Variants in ETV6 observed in about 807,000 individuals in gnomAD.
ETV6 encodes transcription factor ETV6.
ETV6 carries 16 observed loss-of-function variants against 51.1 expected under a neutral mutation model. The observed-to-expected ratio is 0.31, with a 90% CI of 0.21 to 0.48. The LOEUF (loss-of-function observed/expected upper bound fraction) is 0.48. Ranked by LOEUF, ETV6 falls within the 20% of genes least tolerant of loss-of-function variation. ETV6 has a pLI of 0.99. For missense variants in ETV6, 458 were observed against 594.8 expected (o/e 0.77, Z 2.39); for synonymous variants, 240 against 224.1 (o/e 1.07, Z -0.64).
chr12:11,816,919 A>G (rs1370947238), intron 2 of ETV6, among the ~76,000 whole-genome samples: 3 of 152,220 alleles, frequency 2.0e-5, no homozygotes, highest in African/African-American at 7.2e-5. Context: ...CTCACAGCCC[A>G]GTTAGGATGT....
chr12:11,662,998 T>G (rs1864128277), intron 1 of ETV6, among the ~76,000 whole-genome samples: 1 of 152,210 alleles, frequency 6.6e-6, no homozygotes. Flanking sequence ...TCTTGGGCAG[T>G]TGAGCATGCT....
At chr12:11,799,077 G>T (rs1945713529) in intron 2 of ETV6, among the ~76,000 whole-genome samples, 1 of 152,194 alleles carries the variant, frequency 6.6e-6, no homozygotes, top group South Asian at 2.1e-4. Flanking sequence ...GGAGTGCATT[G>T]TGGGACTTTT....
At position 11,893,079 on chromosome 12, in the gene ETV6, A is replaced by G. The variant is rs966118352; in HGVS notation, c.*2033A>G. ...TGGTGATGAGATTCTGCTGGATCTC[A>G]GCACGCTGCAGGTGTCTTTTGAGAG... On this transcript the variant is annotated 3_prime_UTR_variant, in exon 8 of 8. Transcript: ENST00000396373. 1 of 232,730 alleles carries G rather than the reference A, an allele frequency of 4.3e-6. No individual in the cohort carries two copies. The highest frequency in any genetic ancestry group is 8.5e-6 in the Non-Finnish European group (1 of 117,792). The allele number at this position is 232,730 out of a possible 1,614,324, so 14.4% of individuals were successfully genotyped here.
rs190441466 is a variant in ETV6, at chr12:11,748,735, G to A, written c.34-3715G>A. Reference sequence around the variant, plus strand: ...TACACCTATTTTACAGGGAAGTCACGGGCTCCTAAGCATTCAGTTTAAAAA... The same window carrying A: ...TACACCTATTTTACAGGGAAGTCACAGGCTCCTAAGCATTCAGTTTAAAAA... On this transcript the variant is annotated intron_variant, in intron 1 of 7. Coordinates refer to ENST00000396373, the MANE Select transcript of ETV6 (RefSeq NM_001987.5). Among the ~76,000 whole-genome samples, 295 of 152,202 alleles carry A rather than the reference G, an allele frequency of 1.9e-3. 5 individuals are homozygous for A. The highest frequency in any genetic ancestry group is 6.8e-3 in the African/African-American group (284 of 41,516).
chr12:11,715,607 T>C (rs1166157020), intron 1 of ETV6, among the ~76,000 whole-genome samples: 1 of 152,262 alleles, frequency 6.6e-6, no homozygotes, highest in Non-Finnish European at 1.5e-5. Context: ...TCTGCCCTGC[T>C]GCTTTCCTAA....
At chr12:11,747,314 C>A (rs1387715293) in intron 1 of ETV6, among the ~76,000 whole-genome samples, 3 of 152,288 alleles carry the variant, frequency 2.0e-5, no homozygotes, top group Middle Eastern at 6.8e-3. Flanking sequence ...ATGTTGCTTT[C>A]AGGGCAGGGG....
chr12:11,823,625 C>G (rs1946113494), intron 2 of ETV6, among the ~76,000 whole-genome samples: 1 of 151,992 alleles, frequency 6.6e-6, no homozygotes, highest in Non-Finnish European at 1.5e-5. Flanking sequence ...CATCACTAGG[C>G]CAGGCTAATT....
chr12:11,705,148 G>A (rs555984580), intron 1 of ETV6, among the ~76,000 whole-genome samples: 67 of 152,268 alleles, frequency 4.4e-4, no homozygotes, highest in Non-Finnish European at 8.4e-4. Flanking sequence ...AGGCCTTTTG[G>A]TTCTGTTGCT....
intron 4 of ETV6, among the ~76,000 whole-genome samples, chr12:11,864,262 A>C (rs1468932541): frequency 6.6e-6 from 1 of 152,220 alleles, no homozygotes; most frequent in East Asian, 1.9e-4. Flanking sequence ...ACACCCACAC[A>C]CTAAGCCTTG....
chr12:11,882,706 G>A (rs1947117278), intron 5 of ETV6, among the ~76,000 whole-genome samples: 1 of 152,310 alleles, frequency 6.6e-6, no homozygotes, highest in East Asian at 1.9e-4. Context: ...CACTTCATAA[G>A]TGAGGCAACA....
At chr12:11,653,229 G>A (rs1863939466) in intron 1 of ETV6, among the ~76,000 whole-genome samples, 1 of 152,188 alleles carries the variant, frequency 6.6e-6, no homozygotes, top group Non-Finnish European at 1.5e-5. Flanking sequence ...AGAAGGAAGA[G>A]GCTGTCTTTT....
intron 1 of ETV6, among the ~76,000 whole-genome samples, chr12:11,712,827 G>C (rs79113531): frequency 0.053 from 8,032 of 152,282 alleles, 669 homozygotes; most frequent in African/African-American, 0.18. Context: ...GTTGACACCT[G>C]AAATCAACCA....
chr12:11,679,597 C>T (rs1036933765), intron 1 of ETV6, among the ~76,000 whole-genome samples: 2 of 152,162 alleles, frequency 1.3e-5, no homozygotes, highest in Non-Finnish European at 2.9e-5. Flanking sequence ...GATGTTTCTC[C>T]GGTCTATAAA....
intron 1 of ETV6, among the ~76,000 whole-genome samples, chr12:11,722,499 T>G (rs759109739): frequency 2.4e-4 from 36 of 152,198 alleles, no homozygotes; most frequent in Non-Finnish European, 4.1e-4. Context: ...TGGTGGACAT[T>G]TTGGGGCACT....
At chr12:11,818,531 C>CAAA (rs1221844259) in intron 2 of ETV6, among the ~76,000 whole-genome samples, 6 of 80,180 alleles carry the variant, frequency 7.5e-5, no homozygotes, top group Admixed American at 1.2e-4. Context: ...GACTCTGTCT[C>CAAA]AAAAAAAAAA....
chr12:11,696,838 A>T (rs1864887322), intron 1 of ETV6, among the ~76,000 whole-genome samples: 1 of 152,152 alleles, frequency 6.6e-6, no homozygotes, highest in African/African-American at 2.4e-5. Context: ...TAATAAAAAT[A>T]AATAAGTTCC....
intron 2 of ETV6, among the ~76,000 whole-genome samples, chr12:11,761,863 G>T (rs1010937889): frequency 2.0e-5 from 3 of 152,322 alleles, no homozygotes; most frequent in Non-Finnish European, 2.9e-5. Flanking sequence ...TATTCCAGAA[G>T]AGAAACACAA....
chr12:11,659,722 A>G (rs1255239697), intron 1 of ETV6, among the ~76,000 whole-genome samples: 1 of 152,194 alleles, frequency 6.6e-6, no homozygotes, highest in Non-Finnish European at 1.5e-5. Flanking sequence ...ATCGAACCCC[A>G]GAGAACAGCC....
At chr12:11,750,413 G>A (rs1337496650) in intron 1 of ETV6, among the ~76,000 whole-genome samples, 5 of 152,108 alleles carry the variant, frequency 3.3e-5, no homozygotes, top group African/African-American at 9.7e-5. Flanking sequence ...GGGATGAGGC[G>A]GCCTCACTCT....
Sources: gnomAD v4.1 joint callset for allele counts (sites outside exome capture counted in the v4.1 genomes callset) on GRCh38, gnomAD v4.1.1 for gene constraint, MANE v1.5 for transcripts, NCBI Gene and HGNC (gene_info 2026-07-23, HGNC 2026-07-21) for gene names.